The following BRINP3 variants were observed in gnomAD, a reference collection of about 807,000 sequenced individuals.
The protein encoded by BRINP3 is BMP/retinoic acid inducible neural specific 3.
In BRINP3, 19 loss-of-function variants were observed where a neutral mutation model predicts 71.0. The observed-to-expected ratio is 0.27, with a 90% CI of 0.19 to 0.39. BRINP3 has a LOEUF of 0.39. Among genes scored for constraint, BRINP3 ranks in the 10% least tolerant of loss-of-function variants. The pLI, the probability that BRINP3 is intolerant of heterozygous loss-of-function variation, is 1.00. For missense variants in BRINP3, 959 were observed against 940.8 expected (o/e 1.02, Z -0.25); for synonymous variants, 380 against 337.7 (o/e 1.13, Z -1.37).
At chr1:190,299,148 T>C (rs558948651) in intron 2 of BRINP3, among the ~76,000 whole-genome samples, 119 of 152,238 alleles carry the variant, frequency 7.8e-4, no homozygotes, top group African/African-American at 2.6e-3. Context: ...TGTTTACCTA[T>C]TATGTCATTT....
chr1:190,158,384 A>T (rs1026593597), intron 7 of BRINP3, among the ~76,000 whole-genome samples: 1 of 152,058 alleles, frequency 6.6e-6, no homozygotes, highest in African/African-American at 2.4e-5. Context: ...TCTGCAGCAT[A>T]AAAATGGACT....
chr1:190,264,970 C>G lies in BRINP3; in HGVS notation c.513G>C (p.Ser171=), dbSNP rs760786984. ...EGSDSTTNSS[S]VTLETLHQLA... The stretch of plus-strand genomic sequence containing the variant: ...GCTGATGTAGCGTCTCCAGAGTGAC[C>G]GAAGAGCTATTGGTGGTGGAATCAC... The change falls in exon 4 of 8, where the codon TCG becomes TCC. Residue 171 remains serine (S), a synonymous_variant. Transcript: ENST00000367462. 2 of 1,611,906 alleles carry G rather than the reference C, an allele frequency of 1.2e-6. No homozygotes were observed. The highest frequency in any genetic ancestry group is 8.5e-7 in the Non-Finnish European group (1 of 1,179,192).
At chr1:190,414,760 G>A (rs1014203835) in intron 2 of BRINP3, among the ~76,000 whole-genome samples, 4 of 152,114 alleles carry the variant, frequency 2.6e-5, no homozygotes, top group Non-Finnish European at 4.4e-5. Flanking sequence ...TAAGGCAGAG[G>A]GAGATTAATA....
At chr1:190,185,280 T>C (rs1653411371) in intron 6 of BRINP3, among the ~76,000 whole-genome samples, 1 of 151,932 alleles carries the variant, frequency 6.6e-6, no homozygotes, top group Non-Finnish European at 1.5e-5. Flanking sequence ...AATAATCTAA[T>C]TGAAAAATGG....
intron 2 of BRINP3, among the ~76,000 whole-genome samples, chr1:190,370,230 G>C (rs1422890865): frequency 6.6e-6 from 1 of 152,096 alleles, no homozygotes; most frequent in African/African-American, 2.4e-5. Context: ...AAGTCAATTA[G>C]ATAAAACATT....
At chr1:190,256,478 C>A (rs1660675461) in intron 4 of BRINP3, among the ~76,000 whole-genome samples, 1 of 152,068 alleles carries the variant, frequency 6.6e-6, no homozygotes, top group South Asian at 2.1e-4. Flanking sequence ...GGCATTTAGC[C>A]CATTTATATT....
chr1:190,204,793 T>C (rs989703012), intron 6 of BRINP3, among the ~76,000 whole-genome samples: 16 of 152,084 alleles, frequency 1.1e-4, no homozygotes, highest in Admixed American at 9.2e-4. Flanking sequence ...ACAAGTTAAA[T>C]ATAAAATGGT....
At chr1:190,437,461 G>A (rs561513355) in intron 2 of BRINP3, among the ~76,000 whole-genome samples, 1 of 151,482 alleles carries the variant, frequency 6.6e-6, no homozygotes, top group East Asian at 1.9e-4. Flanking sequence ...TCATATCCAG[G>A]GTCCTTATCT....
chr1:190,402,082 C>T (rs1314563243), intron 2 of BRINP3, among the ~76,000 whole-genome samples: 2 of 151,892 alleles, frequency 1.3e-5, no homozygotes, highest in Non-Finnish European at 2.9e-5. Flanking sequence ...AATACATAAT[C>T]ATACTTATCA....
At chr1:190,210,253 A>C (rs1655868641) in intron 6 of BRINP3, among the ~76,000 whole-genome samples, 1 of 152,132 alleles carries the variant, frequency 6.6e-6, no homozygotes, top group South Asian at 2.1e-4. Context: ...TTTTTGTAAA[A>C]CTGACAATAG....
At chr1:190,191,847 T>C (rs943466445) in intron 6 of BRINP3, among the ~76,000 whole-genome samples, 6 of 152,164 alleles carry the variant, frequency 3.9e-5, no homozygotes, top group African/African-American at 1.4e-4. Context: ...GGAAAAAATA[T>C]AGTTTTCAAC....
chr1:190,350,517 A>G (rs556522030), intron 2 of BRINP3, among the ~76,000 whole-genome samples: 55 of 152,254 alleles, frequency 3.6e-4, no homozygotes, highest in Admixed American at 1.4e-3. Context: ...CTCAAAAGAC[A>G]AAAGGAACTA....
At chr1:190,363,274 G>A (rs1177305463) in intron 2 of BRINP3, among the ~76,000 whole-genome samples, 1 of 152,136 alleles carries the variant, frequency 6.6e-6, no homozygotes, top group Non-Finnish European at 1.5e-5. Context: ...AGAGGACCCT[G>A]AGATTCAGAG....
intron 2 of BRINP3, among the ~76,000 whole-genome samples, chr1:190,410,948 A>T (rs1179943959): frequency 1.3e-5 from 2 of 152,164 alleles, no homozygotes. Flanking sequence ...TTTTTAAAAG[A>T]AACTTGAAAG....
intron 2 of BRINP3, among the ~76,000 whole-genome samples, chr1:190,317,030 G>A (rs1388037612): frequency 6.6e-6 from 1 of 151,632 alleles, no homozygotes; most frequent in African/African-American, 2.4e-5. Flanking sequence ...AAATTAGCCG[G>A]GCATGATGGT....
chr1:190,316,032 C>T (rs950686463), intron 2 of BRINP3, among the ~76,000 whole-genome samples: 1 of 146,990 alleles, frequency 6.8e-6, no homozygotes, highest in Non-Finnish European at 1.5e-5. Context: ...ATGATCAATC[C>T]CCCCACCCCA....
At chr1:190,332,710 A>C (rs1667046729) in intron 2 of BRINP3, among the ~76,000 whole-genome samples, 1 of 152,018 alleles carries the variant, frequency 6.6e-6, no homozygotes, top group Non-Finnish European at 1.5e-5. Flanking sequence ...GTCCAAGGCA[A>C]GGCATGTTTG....
At chr1:190,429,307 T>G (rs991355401) in intron 2 of BRINP3, among the ~76,000 whole-genome samples, 3 of 152,168 alleles carry the variant, frequency 2.0e-5, no homozygotes, top group Non-Finnish European at 2.9e-5. Context: ...TGTATAGCAC[T>G]AGAAAAATGT....
At chr1:190,309,591 G>A (rs192556904) in intron 2 of BRINP3, among the ~76,000 whole-genome samples, 28 of 151,722 alleles carry the variant, frequency 1.8e-4, no homozygotes, top group African/African-American at 5.8e-4. Context: ...CCTCATGATC[G>A]AAGATTTTTA....
Sources: gnomAD v4.1 joint callset for allele counts (sites outside exome capture counted in the v4.1 genomes callset) on GRCh38, gnomAD v4.1.1 for gene constraint, MANE v1.5 for transcripts, NCBI Gene and HGNC (gene_info 2026-07-23, HGNC 2026-07-21) for gene names.